The following ZBTB20 variants were observed in gnomAD, a reference collection of about 807,000 sequenced individuals.
ZBTB20 encodes the protein zinc finger and BTB domain-containing protein 20.
Under a neutral mutation model 56.9 loss-of-function variants are expected in ZBTB20, and 9 were observed. The observed-to-expected ratio is 0.16, with a 90% CI of 0.10 to 0.28. The LOEUF is 0.28. Ranked by LOEUF, ZBTB20 falls within the 10% of genes least tolerant of loss-of-function variation. The pLI, the probability that ZBTB20 is intolerant of heterozygous loss-of-function variation, is 1.00. For missense variants in ZBTB20, 655 were observed against 1,003.0 expected (o/e 0.65, Z 4.69); for synonymous variants, 417 against 420.7 (o/e 0.99, Z 0.11).
intron 4 of ZBTB20, among the ~76,000 whole-genome samples, chr3:114,803,280 T>C (rs1279600995): frequency 6.6e-6 from 1 of 151,580 alleles, no homozygotes; most frequent in Non-Finnish European, 1.5e-5. Flanking sequence ...ACAGAGCAAT[T>C]GAAAAAATAG....
chr3:114,447,891 G>A (rs1054657640), intron 7 of ZBTB20, among the ~76,000 whole-genome samples: 1 of 152,130 alleles, frequency 6.6e-6, no homozygotes, highest in African/African-American at 2.4e-5. Context: ...GATACCCTGA[G>A]CCCCTTTCCT....
At chr3:114,528,953 T>C (rs2047537117) in intron 6 of ZBTB20, among the ~76,000 whole-genome samples, 1 of 152,162 alleles carries the variant, frequency 6.6e-6, no homozygotes, top group South Asian at 2.1e-4. Flanking sequence ...TAGAGCTTGT[T>C]CTTCCTTCAA....
At chr3:114,961,333 G>A (rs2077444918) in intron 3 of ZBTB20, among the ~76,000 whole-genome samples, 6 of 151,978 alleles carry the variant, frequency 3.9e-5, no homozygotes, top group Admixed American at 3.9e-4. Flanking sequence ...TAGGGTTGTA[G>A]ACCTTGCAAG....
intron 6 of ZBTB20, among the ~76,000 whole-genome samples, chr3:114,574,769 T>C (rs1228503624): frequency 6.6e-6 from 1 of 152,226 alleles, no homozygotes; most frequent in African/African-American, 2.4e-5. Context: ...GCTTTCATCA[T>C]GTCAGTCCTG....
intron 7 of ZBTB20, among the ~76,000 whole-genome samples, chr3:114,488,333 T>G (rs1309369875): frequency 1.3e-5 from 2 of 152,238 alleles, no homozygotes; most frequent in Non-Finnish European, 2.9e-5. Flanking sequence ...CTTTTCCAAT[T>G]TTTTTATTGT....
intron 1 of ZBTB20, among the ~76,000 whole-genome samples, chr3:115,141,149 G>A (rs949707753): frequency 6.6e-6 from 1 of 152,004 alleles, no homozygotes; most frequent in African/African-American, 2.4e-5. Flanking sequence ...CTCATGATAT[G>A]GGAATCACTG....
chr3:114,979,949 T>C (rs1290817331), intron 2 of ZBTB20, among the ~76,000 whole-genome samples: 1 of 151,970 alleles, frequency 6.6e-6, no homozygotes, highest in Non-Finnish European at 1.5e-5. Context: ...TAAAGTCAAA[T>C]TCCATGGAGC....
chr3:114,528,552 A>G (rs972317696), intron 6 of ZBTB20: 1 of 152,212 alleles, frequency 6.6e-6, no homozygotes, highest in Non-Finnish European at 1.5e-5. Context: ...GAGATGACTG[A>G]AATAATTTAC....
chr3:114,438,410 C>T (rs2090668060), intron 7 of ZBTB20, among the ~76,000 whole-genome samples: 2 of 102,240 alleles, frequency 2.0e-5, no homozygotes, highest in African/African-American at 3.0e-5. Context: ...AGTATTCACT[C>T]CTTGCCAAAA....
chr3:115,025,949 T>C (rs2080405743), intron 2 of ZBTB20, among the ~76,000 whole-genome samples: 1 of 150,670 alleles, frequency 6.6e-6, no homozygotes, highest in African/African-American at 2.4e-5. Context: ...AATACAGTAC[T>C]AAAATAATGC....
chr3:114,700,839 T>C lies in ZBTB20; in HGVS notation c.-342-7264A>G, dbSNP rs552628515. ...ATTGTAATTAAGATTGGGTCATTGT[T>C]TCCATTATAAACCTTATGCTTATGG... On this transcript the variant is annotated intron_variant, in intron 5 of 11. Coordinates refer to ENST00000675478, the MANE Select transcript of ZBTB20 (RefSeq NM_001348800.3). 1.4e-4 allele frequency among the ~76,000 whole-genome samples: 21 copies of C among 152,308 alleles called. No homozygotes were observed. The South Asian group carries it at 3.3e-3, about 24-fold the overall frequency.
chr3:114,612,645 C>T (rs6766010), intron 6 of ZBTB20, among the ~76,000 whole-genome samples: 1 of 152,118 alleles, frequency 6.6e-6, no homozygotes, highest in Non-Finnish European at 1.5e-5. Flanking sequence ...GTGATATTCA[C>T]TATTAGACAT....
chr3:115,101,288 T>A (rs1000478822), intron 1 of ZBTB20, among the ~76,000 whole-genome samples: 4 of 152,198 alleles, frequency 2.6e-5, no homozygotes, highest in Admixed American at 2.6e-4. Flanking sequence ...TCAATGCTTC[T>A]AAATAAACTT....
rs570707123 is a variant in ZBTB20 at position 114,479,867 on chromosome 3, C to T, written c.-255+20485G>A. On this transcript the variant is annotated intron_variant, in intron 7 of 11. Coordinates refer to ENST00000675478, the MANE Select transcript of ZBTB20 (RefSeq NM_001348800.3). The stretch of plus-strand genomic sequence containing the variant: ...CAGTACTTCCCTTGTGAGATACTCT[C>T]AGCTAAGTAAGAATTGAGTGAGACA... Among the ~76,000 whole-genome samples the T allele has an allele frequency of 3.8e-4, 58 of 152,334 alleles. 1 individual carries two copies. The South Asian group carries it at 0.012, about 30-fold the overall frequency.
intron 6 of ZBTB20, among the ~76,000 whole-genome samples, chr3:114,520,299 G>A (rs1478599747): frequency 6.6e-6 from 1 of 152,114 alleles, no homozygotes; most frequent in Non-Finnish European, 1.5e-5. Context: ...CTTAAAGGGG[G>A]TGATAAATAG....
intron 7 of ZBTB20, among the ~76,000 whole-genome samples, chr3:114,426,273 G>A (rs1375667030): frequency 6.7e-6 from 1 of 148,640 alleles, no homozygotes; most frequent in African/African-American, 2.5e-5. Flanking sequence ...TGGAGGCGGA[G>A]CTTGTAGTGA....
At chr3:114,530,429 T>G (rs1049613441) in intron 6 of ZBTB20, among the ~76,000 whole-genome samples, 1 of 152,128 alleles carries the variant, frequency 6.6e-6, no homozygotes, top group African/African-American at 2.4e-5. Context: ...ATAGCCTAGG[T>G]GTGTAGTAAG....
At chr3:114,495,992 A>G (rs2043242793) in intron 7 of ZBTB20, among the ~76,000 whole-genome samples, 1 of 152,160 alleles carries the variant, frequency 6.6e-6, no homozygotes, top group Admixed American at 6.5e-5. Flanking sequence ...CTCTGTCGAA[A>G]TCATAGTCAT....
At chr3:114,607,152 G>A (rs1353505227) in intron 6 of ZBTB20, among the ~76,000 whole-genome samples, 3 of 151,860 alleles carry the variant, frequency 2.0e-5, no homozygotes, top group African/African-American at 7.3e-5. Flanking sequence ...ACATTTAGTT[G>A]AAGTTTATAA....
Sources: allele counts gnomAD v4.1 joint callset (sites outside exome capture counted in the v4.1 genomes callset), GRCh38; gene constraint gnomAD v4.1.1; transcripts MANE v1.5; gene names NCBI Gene and HGNC (gene_info 2026-07-23, HGNC 2026-07-21).